The following MALL variants were observed in gnomAD, a reference collection of about 807,000 sequenced individuals.
MALL encodes mal, T cell differentiation protein like, also known as MAL-like protein.
MALL carries 2 observed loss-of-function variants against 10.3 expected under a neutral mutation model. The ratio of observed to expected loss-of-function variants is 0.19; its 90% CI spans 0.08 to 0.61. The LOEUF is 0.61. Ranked by LOEUF, MALL falls within the 20% of genes least tolerant of loss-of-function variation. The pLI, the probability that MALL is intolerant of heterozygous loss-of-function variation, is 0.88. For missense variants in MALL, 39 were observed against 115.2 expected, an observed-to-expected ratio of 0.34 and a Z score of 3.03; for synonymous variants, 27 against 51.8, an observed-to-expected ratio of 0.52 and a Z score of 2.05.
At chr2:110,104,876 A>C (rs1358159086) in intron 1 of MALL, among the ~76,000 whole-genome samples, 2 of 152,214 alleles carry the variant, frequency 1.3e-5, no homozygotes, top group Admixed American at 6.5e-5. Flanking sequence ...GCATGGGGCT[A>C]GAGTGGCAGT....
At chr2:110,102,287 C>A (rs74756352) in intron 1 of MALL, among the ~76,000 whole-genome samples, 1,533 of 152,278 alleles carry the variant, frequency 0.01, 25 homozygotes, top group African/African-American at 0.035. Flanking sequence ...GGGACCAGAC[C>A]ATGTCACCTC....
rs1334227537 is a variant in MALL at position 110,108,258 on chromosome 2, G to A, written c.105+7430C>T. Among the ~76,000 whole-genome samples the A allele has an allele frequency of 3.3e-5, 5 of 152,102 alleles. No homozygotes were observed. In the South Asian group the frequency reaches 8.3e-4, roughly 25 times the overall value. On this transcript the variant is annotated intron_variant, in intron 1 of 3. Coordinates refer to ENST00000272462, the MANE Select transcript of MALL (RefSeq NM_005434.5). ...AATCAGGGAGGGACCAGAAAAATGT[G>A]AAGCCCAATGCAAAGGAAGTCCAAA... is the stretch of plus-strand genomic sequence containing the variant.
intron 1 of MALL, among the ~76,000 whole-genome samples, chr2:110,108,482 A>G (rs1189947491): frequency 1.3e-5 from 2 of 149,872 alleles, no homozygotes; most frequent in Non-Finnish European, 2.9e-5. Flanking sequence ...ACCCAATCCA[A>G]CAAAGACAAA....
upstream of MALL, among the ~76,000 whole-genome samples, chr2:110,117,129 C>T (rs1008249293): frequency 1.3e-5 from 2 of 152,084 alleles, no homozygotes; most frequent in Non-Finnish European, 2.9e-5. Context: ...TCCCAGGCTA[C>T]GGAAACTAGG....
intron 1 of MALL, among the ~76,000 whole-genome samples, chr2:110,110,180 C>A (rs1282883584): frequency 6.6e-6 from 1 of 151,928 alleles, no homozygotes; most frequent in Non-Finnish European, 1.5e-5. Context: ...CAAGAACAAA[C>A]CAAATCCTAA....
At chr2:110,106,010 G>A (rs1678679471) in intron 1 of MALL, among the ~76,000 whole-genome samples, 1 of 152,178 alleles carries the variant, frequency 6.6e-6, no homozygotes, top group African/African-American at 2.4e-5. Flanking sequence ...GGGCTCAGAG[G>A]ATTTATCTCT....
At chr2:110,112,963 C>T (rs1266556082) in intron 1 of MALL, among the ~76,000 whole-genome samples, 1 of 151,514 alleles carries the variant, frequency 6.6e-6, no homozygotes, top group African/African-American at 2.4e-5. Flanking sequence ...AGCATTCGCA[C>T]TGACCTGGAT....
chr2:110,114,608 T>C (rs17842652), intron 1 of MALL, among the ~76,000 whole-genome samples: 1 of 151,608 alleles, frequency 6.6e-6, no homozygotes, highest in Admixed American at 6.6e-5. Flanking sequence ...ACTCAGATCC[T>C]AGGCCCACCC....
chr2:110,097,473 C>T (rs1346837197), intron 1 of MALL: 1 of 456,424 alleles, frequency 2.2e-6, no homozygotes, highest in Admixed American at 2.3e-5. Flanking sequence ...AGGAGGATGG[C>T]CTTTGGGTAG....
chr2:110,109,862 A>G (rs1002290529), intron 1 of MALL, among the ~76,000 whole-genome samples: 2 of 152,204 alleles, frequency 1.3e-5, no homozygotes, highest in African/African-American at 4.8e-5. Flanking sequence ...TTGAAATTAT[A>G]TCAAGCACTC....
At chr2:110,096,712 C>CCT (rs1678448162) in intron 1 of MALL, among the ~76,000 whole-genome samples, 1 of 122,386 alleles carries the variant, frequency 8.2e-6, no homozygotes, top group Admixed American at 7.8e-5. Context: ...AATGTACCTA[C>CCT]ACACACACAC....
chr2:110,101,097 G>A (rs1678554895), intron 1 of MALL, among the ~76,000 whole-genome samples: 1 of 152,090 alleles, frequency 6.6e-6, no homozygotes, highest in African/African-American at 2.4e-5. Context: ...GCTGCTTATA[G>A]CCCATGAGGC....
At chr2:110,109,424 C>T (rs1252011365) in intron 1 of MALL, among the ~76,000 whole-genome samples, 1 of 152,118 alleles carries the variant, frequency 6.6e-6, no homozygotes, top group Non-Finnish European at 1.5e-5. Context: ...ATAAAACAAA[C>T]TTTAAAGCAT....
At chr2:110,113,760 A>C (rs1236963955) in intron 1 of MALL, among the ~76,000 whole-genome samples, 2 of 152,126 alleles carry the variant, frequency 1.3e-5, no homozygotes, top group Non-Finnish European at 2.9e-5. Context: ...AAACTGGAGT[A>C]AGGTTTATAG....
At chr2:110,100,077 T>C (rs4953838) in intron 1 of MALL, among the ~76,000 whole-genome samples, 116,850 of 151,906 alleles carry the variant, frequency 0.77, 48,885 homozygotes, top group Non-Finnish European at 0.93. Flanking sequence ...ACCTTTATGC[T>C]GGGCTCCCCA....
At chr2:110,114,648 T>G (rs971380723) in intron 1 of MALL, among the ~76,000 whole-genome samples, 2 of 151,488 alleles carry the variant, frequency 1.3e-5, no homozygotes, top group African/African-American at 2.4e-5. Context: ...TCGCCATCAA[T>G]GGCTAACCCG....
chr2:110,115,472 T>C (rs1274178996), intron 1 of MALL, among the ~76,000 whole-genome samples: 1 of 151,034 alleles, frequency 6.6e-6, no homozygotes, highest in Non-Finnish European at 1.5e-5. Context: ...CTGTGCTCGC[T>C]CCCCGCTCTC....
intron 1 of MALL, among the ~76,000 whole-genome samples, chr2:110,104,036 A>G (rs1329929709): frequency 4.0e-5 from 6 of 151,534 alleles, no homozygotes; most frequent in South Asian, 4.2e-4. Context: ...AGGCCTTGCC[A>G]TTGTCTCTCC....
intron 1 of MALL, among the ~76,000 whole-genome samples, chr2:110,113,100 T>C (rs1355668483): frequency 6.6e-6 from 1 of 151,582 alleles, no homozygotes; most frequent in East Asian, 1.9e-4. Context: ...CAGTGGACTT[T>C]GGGGACTTGG....
Sources: gnomAD v4.1 joint callset for allele counts (sites outside exome capture counted in the v4.1 genomes callset) on GRCh38, gnomAD v4.1.1 for gene constraint, MANE v1.5 for transcripts, NCBI Gene and HGNC (gene_info 2026-07-23, HGNC 2026-07-21) for gene names.